The following SFXN3 variants were observed in gnomAD, a reference collection of about 807,000 sequenced individuals.
SFXN3 encodes the protein sideroflexin-3.
Under a neutral mutation model 40.4 loss-of-function variants are expected in SFXN3, and 31 were observed. The observed-to-expected ratio is 0.77, with a 90% CI of 0.58 to 1.04. The LOEUF is 1.04. Ranked by LOEUF, SFXN3 falls within the 50% of genes least tolerant of loss-of-function variation. SFXN3 has a pLI of 0.00. For synonymous variants in SFXN3, 157 were observed against 160.0 expected, an observed-to-expected ratio of 0.98 and a Z score of 0.14; for missense variants, 366 against 408.2, an observed-to-expected ratio of 0.90 and a Z score of 0.89.
intron 3 of SFXN3, among the ~76,000 whole-genome samples, chr10:101,035,094 G>C (rs1938525426): frequency 6.6e-6 from 1 of 152,218 alleles, no homozygotes; most frequent in Admixed American, 6.5e-5. Flanking sequence ...AACCTCTACA[G>C]GGATCTATCC....
rs1938784232 is a variant in SFXN3, at chr10:101,039,299, C to T, written c.869+77C>T. ...TCTGGACCAGCTGACCTAGGGTCTT[C>T]CAGGGTGTTCAGGAGGAGGCCTGGC... On this transcript the variant is annotated intron_variant, in intron 11 of 11. Coordinates refer to ENST00000393459, the Ensembl canonical transcript of SFXN3. This position sits in a 1 kb window ranked among gnomAD's most constrained non-coding sequence, Gnocchi z 4.6. 1 of 1,418,908 alleles carries T rather than the reference C, an allele frequency of 7.0e-7. No individual in the cohort carries two copies. The highest frequency in any genetic ancestry group is 1.3e-5 in the South Asian group (1 of 79,736). The allele number at this position is 1,418,908 out of a possible 1,614,324, so 87.9% of individuals were successfully genotyped here.
rs1938606467 is a variant in SFXN3 at position 101,036,430 on chromosome 10, A to G, written c.432-56A>G. 1 of 1,560,328 alleles carries G rather than the reference A, an allele frequency of 6.4e-7. No individual in the cohort carries two copies. Among genetic ancestry groups the G allele is most frequent in the African/African-American group, 1.4e-5 (1 of 73,742 alleles). On this transcript the variant is annotated intron_variant, in intron 5 of 11. Transcript: ENST00000393459. The surrounding 1 kb of genome is among the most constrained non-coding windows in gnomAD (Gnocchi z 4.2). ...AGGACTTGGCATATCCCTAAAGGAA[A>G]GGGCCACCTGCTGGACTTGTCACCT...
intron 1 of SFXN3, among the ~76,000 whole-genome samples, chr10:101,031,855 A>C (rs1938230380): frequency 6.6e-6 from 1 of 151,966 alleles, no homozygotes; most frequent in Admixed American, 6.6e-5. Flanking sequence ...AGGGCTGGGG[A>C]CATAGAAGAG....
intron 9 of SFXN3, 191 bp downstream of exon 9, chr10:101,037,622 G>A: frequency 1.4e-6 from 2 of 1,460,384 alleles, no homozygotes; most frequent in Non-Finnish European, 1.8e-6. Flanking sequence ...CTCTGCAGGG[G>A]CAGGAGGAGA....
At chr10:101,033,397 AC>A (rs1938420651) in intron 2 of SFXN3, among the ~76,000 whole-genome samples, 1 of 152,118 alleles carries the variant, frequency 6.6e-6, no homozygotes, top group South Asian at 2.1e-4. Flanking sequence ...GAAAATCTGT[AC>A]CAGGATAGAG....
chr10:101,039,330 C>T lies in SFXN3; in HGVS notation c.869+108C>T. The T allele has an allele frequency of 1.6e-6, 2 of 1,228,568 alleles. No homozygotes were observed. The highest frequency in any genetic ancestry group is 2.4e-6 in the Non-Finnish European group (2 of 845,162). The allele number at this position is 1,228,568 out of a possible 1,614,324, so 76.1% of individuals were successfully genotyped here. A position where few individuals can be genotyped will look rare whatever the true frequency, so the allele number is the denominator to read the frequency against. On this transcript the variant is annotated intron_variant, in intron 11 of 11. Transcript: ENST00000393459. The surrounding 1 kb of genome is among the most constrained non-coding windows in gnomAD (Gnocchi z 4.6). The stretch of plus-strand genomic sequence containing the variant: ...TGTTCAGGAGGAGGCCTGGCAGGCA[C>T]TCCACTGATTCTGGGAGTGGGGGAA...
At chr10:101,031,852 G>A (rs567922049) in intron 1 of SFXN3, among the ~76,000 whole-genome samples, 39 of 152,210 alleles carry the variant, frequency 2.6e-4, no homozygotes, top group African/African-American at 9.1e-4. Flanking sequence ...GAGAGGGCTG[G>A]GGACATAGAA....
Position 101,039,751 on chromosome 10 carries a change from G to A in SFXN3, c.*166G>A, listed in dbSNP as rs369346526. 3.1e-6 allele frequency: 2 copies of A among 636,752 alleles called. No homozygotes were observed. The highest frequency in any genetic ancestry group is 2.7e-5 in the Admixed American group (1 of 37,068). The allele number at this position is 636,752 out of a possible 1,614,324, so 39.4% of individuals were successfully genotyped here. A position where few individuals can be genotyped will look rare whatever the true frequency, so the allele number is the denominator to read the frequency against. ...TAGGGTGGGGGAGGGACCTCCATAAGGCTTTTCCTCCCTTCTCTGGTTTCA... is the reference window on the plus strand; with the variant it reads ...TAGGGTGGGGGAGGGACCTCCATAAAGCTTTTCCTCCCTTCTCTGGTTTCA... On this transcript the variant is annotated 3_prime_UTR_variant, in exon 12 of 12. Transcript: ENST00000393459. This position sits in a 1 kb window ranked among gnomAD's most constrained non-coding sequence, Gnocchi z 4.6.
At position 101,036,696 on chromosome 10, in the gene SFXN3, C is replaced by A. The variant is rs753763902; in HGVS notation, c.508-27C>A. On this transcript the variant is annotated intron_variant, in intron 6 of 11. Coordinates refer to ENST00000393459, the Ensembl canonical transcript of SFXN3. The surrounding 1 kb of genome is among the most constrained non-coding windows in gnomAD (Gnocchi z 4.2). ...CCTCACCACCCCATGGCCCTTAGGG[C>A]CACTGAACAACACCCTTCCTCCCCA... The A allele has an allele frequency of 1.2e-6, 2 of 1,604,688 alleles. No homozygotes were observed. Among genetic ancestry groups the A allele is most frequent in the South Asian group, 2.2e-5 (2 of 90,650 alleles).
chr10:101,038,452 G>A, intron 9 of SFXN3, 191 bp from the exon 10 acceptor site: 1 of 1,452,344 alleles, frequency 6.9e-7, no homozygotes, highest in Non-Finnish European at 9.1e-7. Context: ...GTGATCAGCA[G>A]ACAGGCCTGG....
At chr10:101,033,792 A>C (rs1938445903) in intron 2 of SFXN3, among the ~76,000 whole-genome samples, 1 of 152,124 alleles carries the variant, frequency 6.6e-6, no homozygotes, top group South Asian at 2.1e-4. Context: ...GTCAGCAAAA[A>C]ACATGTGAGC....
At chr10:101,035,781 T>C (rs1938567910) in intron 4 of SFXN3, 114 bp downstream of exon 4, 4 of 1,414,906 alleles carry the variant, frequency 2.8e-6, no homozygotes, top group Non-Finnish European at 2.9e-6. Context: ...CAGAATCGCT[T>C]CCATTCCTCA....
chr10:101,036,063 C>T lies in SFXN3; in HGVS notation c.393C>T (p.Asn131=). The T allele has an allele frequency of 6.2e-7, 1 of 1,614,104 alleles. No homozygotes were observed. ...ATCAGTCCTTCAATGCCATTGTTAA[C>T]TACTCCAACCGCAGTGGTGACACTC... is the stretch of plus-strand genomic sequence containing the variant. Residue 131 remains asparagine (N), a synonymous_variant, in exon 5 of 12, where the codon AAC becomes AAT. Transcript: ENST00000393459. The surrounding 1 kb of genome is among the most constrained non-coding windows in gnomAD (Gnocchi z 4.2).
chr10:101,034,178 A>C (rs909185515), intron 2 of SFXN3, among the ~76,000 whole-genome samples: 1 of 151,958 alleles, frequency 6.6e-6, no homozygotes, highest in African/African-American at 2.4e-5. Context: ...CAGACTATGC[A>C]TGGGAAGAAA....
rs1445484709 is a variant in SFXN3 at position 101,039,703 on chromosome 10, G to A, written c.*118G>A. The A allele has an allele frequency of 6.5e-6, 6 of 927,458 alleles. No individual in the cohort carries two copies. The highest frequency in any genetic ancestry group is 1.0e-5 in the Non-Finnish European group (6 of 580,052). 57.5% of individuals were successfully genotyped at this position (927,458 alleles called of 1,614,324 possible). A position where few individuals can be genotyped will look rare whatever the true frequency, so the allele number is the denominator to read the frequency against. ...TGGGCAGGGGCCTTGGTGGGCAGAT[G>A]GCAATTGAGGGTAGCAACCTATTAG... On this transcript the variant is annotated 3_prime_UTR_variant, in exon 12 of 12. Coordinates refer to ENST00000393459, the Ensembl canonical transcript of SFXN3. This position sits in a 1 kb window ranked among gnomAD's most constrained non-coding sequence, Gnocchi z 4.6.
intron 2 of SFXN3, among the ~76,000 whole-genome samples, chr10:101,033,267 C>T (rs1938411227): frequency 6.6e-6 from 1 of 152,162 alleles, no homozygotes; most frequent in East Asian, 1.9e-4. Flanking sequence ...GGGCCTAAAG[C>T]TCACCTGAGC....
chr10:101,037,984 C>A, intron 9 of SFXN3: 1 of 382,234 alleles, frequency 2.6e-6, no homozygotes, highest in Non-Finnish European at 3.7e-6. Flanking sequence ...AGGAGGCACC[C>A]AATAAATACA....
Position 101,039,181 on chromosome 10 carries a change from A to G in SFXN3, c.828A>G (p.Val276=). The stretch of plus-strand genomic sequence containing the variant: ...CAACACTTGTCTCCCCCAGCCTGGT[A>G]TTTGCAACCCCCCTGTGCTGTGCCC... Residue 276 remains valine (V), a synonymous_variant, in exon 11 of 12, where the codon GTA becomes GTG. Transcript: ENST00000393459. This position sits in a 1 kb window ranked among gnomAD's most constrained non-coding sequence, Gnocchi z 4.6. The G allele has an allele frequency of 6.2e-7, 1 of 1,611,152 alleles. No homozygotes were observed. The highest frequency in any genetic ancestry group is 1.7e-4 in the Middle Eastern group (1 of 6,052).
chr10:101,038,838 A>C (rs1938752984), intron 10 of SFXN3, 146 bp downstream of exon 10: 7 of 1,306,670 alleles, frequency 5.4e-6, no homozygotes, highest in Non-Finnish European at 7.5e-6. Context: ...TATAGGGTCT[A>C]CTTTGTGTGT....
Sources: gnomAD v4.1 joint callset for allele counts (sites outside exome capture counted in the v4.1 genomes callset) on GRCh38, gnomAD v4.1.1 for gene constraint, Gnocchi (gnomAD v3.1) non-coding constraint, MANE v1.5 for transcripts, NCBI Gene and HGNC (gene_info 2026-07-23, HGNC 2026-07-21) for gene names.